Variants in FMN1 observed in about 807,000 individuals in gnomAD.
FMN1 encodes the protein formin 1.
In FMN1, 110 loss-of-function variants were observed where a neutral mutation model predicts 132.4. The ratio of observed to expected loss-of-function variants is 0.83; its 90% CI spans 0.71 to 0.97. The LOEUF is 0.97. Ranked by LOEUF, FMN1 falls within the 50% of genes least tolerant of loss-of-function variation. FMN1 has a pLI of 0.00. For missense variants in FMN1, 1,792 were observed against 1,705.3 expected (o/e 1.05, Z -0.90); for synonymous variants, 722 against 651.7 (o/e 1.11, Z -1.64).
chr15:32,955,291 G>A (rs2061739301), intron 9 of FMN1, among the ~76,000 whole-genome samples: 1 of 152,168 alleles, frequency 6.6e-6, no homozygotes, highest in African/African-American at 2.4e-5. Context: ...TTAAGCATGT[G>A]CCTGTGAGGG....
chr15:32,829,778 A>G (rs1479542117), intron 17 of FMN1, among the ~76,000 whole-genome samples: 1 of 152,214 alleles, frequency 6.6e-6, no homozygotes, highest in African/African-American at 2.4e-5. Context: ...GAAAATAGTT[A>G]CAACTATTTT....
chr15:32,869,969 G>A (rs2059476987), intron 16 of FMN1, among the ~76,000 whole-genome samples: 1 of 152,124 alleles, frequency 6.6e-6, no homozygotes, highest in African/African-American at 2.4e-5. Context: ...GTAGCCACTT[G>A]TTTAAGAAGT....
At chr15:33,193,821 T>C (rs991420814) in intron 2 of FMN1, 88 bp downstream of exon 2, 1 of 151,620 alleles carries the variant, frequency 6.6e-6, no homozygotes, top group East Asian at 1.9e-4. Flanking sequence ...TTGAGTTAAA[T>C]GAGGGCTTGG....
At chr15:33,116,811 T>C (rs1478584470) in intron 4 of FMN1, among the ~76,000 whole-genome samples, 1 of 152,062 alleles carries the variant, frequency 6.6e-6, no homozygotes. Flanking sequence ...TTCAGGAAGG[T>C]TACTATCCAT....
In FMN1 at chr15:32,957,298, CTTT is replaced by C. The variant is rs869111673; in HGVS notation, c.3138+6806_3138+6808del. ...AATTGGAAAGTTTATCAGAGCAGTT[CTTT>C]TTTTTTTTTTTTTTTTTTTTTTTTA... On this transcript the variant is annotated intron_variant, in intron 9 of 20. Coordinates refer to ENST00000616417, the MANE Select transcript of FMN1 (RefSeq NM_001277313.2). Among the ~76,000 whole-genome samples, 213 of 84,178 alleles carry C rather than the reference CTTT, an allele frequency of 2.5e-3. 1 individual carries two copies. Among genetic ancestry groups the C allele is most frequent in the African/African-American group, 3.7e-3 (81 of 22,098 alleles). 55.2% of individuals were successfully genotyped at this position (84,178 alleles called of 152,430 possible).
At chr15:33,061,919 C>T (rs891285500) in intron 6 of FMN1, among the ~76,000 whole-genome samples, 1 of 151,856 alleles carries the variant, frequency 6.6e-6, no homozygotes, top group Non-Finnish European at 1.5e-5. Context: ...AGAAAGAAAC[C>T]CTTTAAGAAA....
chr15:32,798,173 A>G (rs1201183127), intron 19 of FMN1, among the ~76,000 whole-genome samples: 2 of 114,232 alleles, frequency 1.8e-5, no homozygotes, highest in East Asian at 5.7e-4. Context: ...CTCTCTAAGG[A>G]AAACGCACAC....
chr15:32,959,293 C>A (rs2030227155), intron 9 of FMN1, among the ~76,000 whole-genome samples: 1 of 152,128 alleles, frequency 6.6e-6, no homozygotes, highest in Non-Finnish European at 1.5e-5. Flanking sequence ...ACCTCTAAAA[C>A]CACTTTCATT....
chr15:32,867,037 CAT>C lies in FMN1; in HGVS notation c.3836-9932_3836-9931del, dbSNP rs1340877498. ...TCATCCAGGTAAACATTTCAGTAACCATATCTGGGATGTGTCTCCCAAGTTTA... is the reference window on the plus strand; with the variant it reads ...TCATCCAGGTAAACATTTCAGTAACCATCTGGGATGTGTCTCCCAAGTTTA... On this transcript the variant is annotated intron_variant, in intron 16 of 20. Transcript: ENST00000616417. 2.0e-5 allele frequency among the ~76,000 whole-genome samples: 3 copies of C among 152,172 alleles called. No homozygotes were observed. The East Asian group carries it at 5.8e-4, about 29-fold the overall frequency.
In FMN1 at chr15:32,887,734, C is replaced by G. The variant is rs568369285; in HGVS notation, c.3835+438G>C. 2.0e-5 allele frequency among the ~76,000 whole-genome samples: 3 copies of G among 152,198 alleles called. No individual in the cohort carries two copies. The South Asian group carries it at 6.2e-4, about 32-fold the overall frequency. ...TTCTAATTAGACAGACTTGATTAGA[C>G]TTGATTAGAGCTCAGTAAATCTGTC... On this transcript the variant is annotated intron_variant, in intron 16 of 20. Transcript: ENST00000616417.
intron 9 of FMN1, among the ~76,000 whole-genome samples, chr15:32,928,976 T>C (rs2061032164): frequency 6.6e-6 from 1 of 152,198 alleles, no homozygotes; most frequent in South Asian, 2.1e-4. Context: ...GAGGCAAATC[T>C]ACCCCTCACC....
At position 32,798,932 on chromosome 15, in the gene FMN1, A is replaced by G. The variant is rs1454064485; in HGVS notation, c.4002T>C (p.Tyr1334=). 1 of 1,613,638 alleles carries G rather than the reference A, an allele frequency of 6.2e-7. No individual in the cohort carries two copies. The highest frequency in any genetic ancestry group is 2.2e-5 in the East Asian group (1 of 44,872). ...CACCAGACTTTGGCTTCATCCCAAA[A>G]TATCGTACTGTTGTTTCAAAACTGC... ...AQKSFETTVR[Y]FGMKPKSGEK... The change falls in exon 19 of 21, where the codon TAT becomes TAC. Residue 1334 remains tyrosine (Y), a synonymous_variant. Transcript: ENST00000616417.
At chr15:33,004,067 G>T (rs940773001) in intron 7 of FMN1, among the ~76,000 whole-genome samples, 361 of 152,172 alleles carry the variant, frequency 2.4e-3, no homozygotes, top group African/African-American at 7.7e-3. Flanking sequence ...AGACTTACAT[G>T]TTAGACCTAA....
intron 9 of FMN1, among the ~76,000 whole-genome samples, chr15:32,962,714 T>C (rs1479513008): frequency 2.7e-5 from 4 of 149,022 alleles, no homozygotes; most frequent in African/African-American, 7.5e-5. Flanking sequence ...AAAGAAGACA[T>C]TTATGCAGCC....
At chr15:32,810,365 T>G (rs925897690) in intron 17 of FMN1, among the ~76,000 whole-genome samples, 1 of 152,108 alleles carries the variant, frequency 6.6e-6, no homozygotes, top group Admixed American at 6.5e-5. Context: ...AAGAGTAGAG[T>G]AGAACTGAAA....
intron 4 of FMN1, among the ~76,000 whole-genome samples, chr15:33,091,310 AACCCCTC>A (rs1474269858): frequency 3.9e-5 from 6 of 152,166 alleles, no homozygotes; most frequent in African/African-American, 1.4e-4. Context: ...CACACATGCA[AACCCCTC>A]ACACACCTGC....
rs564260273 is a variant in FMN1, at chr15:33,173,792, G to A, written c.-132+6406C>T. On this transcript the variant is annotated intron_variant, in intron 3 of 20. Transcript: ENST00000616417. ...AAAAATACAAAAATTAGCCAGGCGTGGTGGCAGGTGCCTGTTATCCCAACT... is the reference window on the plus strand; with the variant it reads ...AAAAATACAAAAATTAGCCAGGCGTAGTGGCAGGTGCCTGTTATCCCAACT... 1.2e-3 allele frequency among the ~76,000 whole-genome samples: 178 copies of A among 152,300 alleles called. 1 individual carries two copies. Among genetic ancestry groups the A allele is most frequent in the African/African-American group, 4.0e-3 (165 of 41,566 alleles).
At chr15:32,990,577 G>C (rs1373152826) in intron 7 of FMN1, among the ~76,000 whole-genome samples, 1 of 152,166 alleles carries the variant, frequency 6.6e-6, no homozygotes, top group African/African-American at 2.4e-5. Context: ...TCAAGAGAAA[G>C]GATTTCTAAT....
chr15:32,844,174 A>C (rs545908066), intron 17 of FMN1, among the ~76,000 whole-genome samples: 30 of 152,324 alleles, frequency 2.0e-4, no homozygotes, highest in Non-Finnish European at 3.5e-4. Flanking sequence ...GTTTGAAAGC[A>C]GAGCTGGGGT....
Sources: allele counts gnomAD v4.1 joint callset (sites outside exome capture counted in the v4.1 genomes callset), GRCh38; gene constraint gnomAD v4.1.1; transcripts MANE v1.5; gene names NCBI Gene and HGNC (gene_info 2026-07-23, HGNC 2026-07-21).